The following NEK1 variants were observed in gnomAD, a reference collection of about 807,000 sequenced individuals.
NEK1 encodes serine/threonine-protein kinase Nek1.
NEK1 carries 137 observed loss-of-function variants against 182.1 expected under a neutral mutation model. That is an observed-to-expected ratio of 0.75 (90% CI 0.65 to 0.87). NEK1 has a LOEUF of 0.87. Among genes scored for constraint, NEK1 ranks in the 40% least tolerant of loss-of-function variants. NEK1 has a pLI of 0.00. For missense variants in NEK1, 1,391 were observed against 1,494.4 expected, an observed-to-expected ratio of 0.93 and a Z score of 1.14; for synonymous variants, 513 against 492.2, an observed-to-expected ratio of 1.04 and a Z score of -0.56.
In NEK1 at chr4:169,524,534, TACTC is replaced by T. The variant is rs141517957; in HGVS notation, c.1665+13271_1665+13274del. ...TCTATATACAGTAAAATTTTTATAA[TACTC>T]AAATCAAACAGAACAAGGTACTGAT... On this transcript the variant is annotated intron_variant, in intron 19 of 35. Coordinates refer to ENST00000507142, the MANE Select transcript of NEK1 (RefSeq NM_001199397.3). Among the ~76,000 whole-genome samples the T allele has an allele frequency of 8.0e-3, 1,203 of 150,468 alleles. 20 individuals are homozygous for T. Among genetic ancestry groups the T allele is most frequent in the African/African-American group, 0.027 (1,121 of 40,898 alleles).
At chr4:169,456,806 C>T (rs1742969785) in intron 27 of NEK1, among the ~76,000 whole-genome samples, 1 of 152,102 alleles carries the variant, frequency 6.6e-6, no homozygotes, top group Non-Finnish European at 1.5e-5. Flanking sequence ...TTAGAAGCAA[C>T]CTAAATGTCC....
chr4:169,424,520 G>A (rs373508505), intron 31 of NEK1, 33 bp downstream of exon 31: 119 of 1,533,452 alleles, frequency 7.8e-5, no homozygotes, highest in South Asian at 1.8e-4. Flanking sequence ...GTTATCGAAT[G>A]GATAATATTT....
At chr4:169,579,714 G>A (rs112640948) in intron 11 of NEK1, among the ~76,000 whole-genome samples, 4,648 of 151,568 alleles carry the variant, frequency 0.031, 189 homozygotes, top group African/African-American at 0.085. Flanking sequence ...CCTTGAACCC[G>A]GGAGGCAGAG....
rs398064265 is a variant in NEK1 at position 169,603,706 on chromosome 4, A to ATTTT, written c.-48-1032_-48-1029dup. On this transcript the variant is annotated intron_variant, in intron 2 of 35. Transcript: ENST00000507142. ...AAAAATTCTTCCACATTTATTGAAC[A>ATTTT]TTTTTTTTTTTTTTTTTTTAAGACA... Among the ~76,000 whole-genome samples, 1,124 of 129,680 alleles carry ATTTT rather than the reference A, an allele frequency of 8.7e-3. 24 individuals are homozygous for ATTTT. Among genetic ancestry groups the ATTTT allele is most frequent in the African/African-American group, 0.03 (1,040 of 35,072 alleles). 85.1% of individuals were successfully genotyped at this position (129,680 alleles called of 152,430 possible).
At chr4:169,515,690 C>A (rs1755108538) in intron 19 of NEK1, among the ~76,000 whole-genome samples, 1 of 97,966 alleles carries the variant, frequency 1.0e-5, no homozygotes, top group Non-Finnish European at 2.1e-5. Flanking sequence ...GTGTGATATT[C>A]CCCTTCCTGT....
chr4:169,495,284 C>A (rs1287956664), intron 23 of NEK1, among the ~76,000 whole-genome samples: 1 of 143,746 alleles, frequency 7.0e-6, no homozygotes, highest in Non-Finnish European at 1.5e-5. Context: ...CGCTCTGTCG[C>A]CCAGGCTGGA....
At chr4:169,458,948 G>C (rs1291017354) in intron 27 of NEK1, among the ~76,000 whole-genome samples, 3 of 151,506 alleles carry the variant, frequency 2.0e-5, no homozygotes, top group African/African-American at 7.3e-5. Context: ...TTGGAACATT[G>C]TTATAATGCC....
At chr4:169,478,394 G>T (rs1431124675) in intron 24 of NEK1, 1 of 152,092 alleles carries the variant, frequency 6.6e-6, no homozygotes, top group Admixed American at 6.6e-5. Flanking sequence ...CAACCAGAGA[G>T]ATGAACAGCT....
chr4:169,606,720 A>G (rs1422419053), intron 2 of NEK1, among the ~76,000 whole-genome samples: 2 of 152,260 alleles, frequency 1.3e-5, no homozygotes, highest in Non-Finnish European at 2.9e-5. Flanking sequence ...CTAGGAGATT[A>G]AGTGAAAGTC....
intron 29 of NEK1, among the ~76,000 whole-genome samples, chr4:169,427,113 TA>T (rs1736531383): frequency 6.6e-6 from 1 of 152,184 alleles, no homozygotes; most frequent in African/African-American, 2.4e-5. Flanking sequence ...TTTCAAATTT[TA>T]TTTTATCTTT....
At chr4:169,524,477 A>AG (rs1756586710) in intron 19 of NEK1, among the ~76,000 whole-genome samples, 1 of 151,980 alleles carries the variant, frequency 6.6e-6, no homozygotes, top group African/African-American at 2.4e-5. Context: ...AAAAAAAAAA[A>AG]AAAGAAAAAT....
intron 8 of NEK1, among the ~76,000 whole-genome samples, chr4:169,588,427 A>T (rs1161555287): frequency 6.6e-6 from 1 of 152,184 alleles, no homozygotes; most frequent in Non-Finnish European, 1.5e-5. Context: ...ACTTTCAATT[A>T]TAACATAAAT....
intron 19 of NEK1, among the ~76,000 whole-genome samples, chr4:169,510,876 C>G (rs1754057249): frequency 6.6e-6 from 1 of 152,100 alleles, no homozygotes; most frequent in African/African-American, 2.4e-5. Context: ...AACCAAGTAT[C>G]TCACCCCAGA....
At chr4:169,549,465 A>C (rs1761081569) in intron 18 of NEK1, among the ~76,000 whole-genome samples, 1 of 152,044 alleles carries the variant, frequency 6.6e-6, no homozygotes, top group African/African-American at 2.4e-5. Context: ...TCTTGTCGCC[A>C]AGGCTGGAGT....
chr4:169,476,496 A>C (rs1164648534), intron 26 of NEK1, among the ~76,000 whole-genome samples: 1 of 152,138 alleles, frequency 6.6e-6, no homozygotes, highest in Admixed American at 6.6e-5. Context: ...AGCAAAATAA[A>C]TGCTATCAAG....
chr4:169,409,321 T>C (rs1733225408), intron 31 of NEK1, among the ~76,000 whole-genome samples: 1 of 152,030 alleles, frequency 6.6e-6, no homozygotes. Flanking sequence ...ATTTTTTGTA[T>C]TTTTAGTAGA....
intron 26 of NEK1, among the ~76,000 whole-genome samples, chr4:169,471,511 A>T (rs532470313): frequency 6.6e-6 from 1 of 152,154 alleles, no homozygotes; most frequent in South Asian, 2.1e-4. Context: ...CGTCGCAGAG[A>T]GGCACCCGCC....
Position 169,458,112 on chromosome 4 carries a change from G to A in NEK1, c.2587+5131C>T, listed in dbSNP as rs867983945. On this transcript the variant is annotated intron_variant, in intron 27 of 35. Transcript: ENST00000507142. ...CAGAATAGCCAATACATAATTGAAGGAGAACAAAGTTGGGGGACTGACACT... is the reference window on the plus strand; with the variant it reads ...CAGAATAGCCAATACATAATTGAAGAAGAACAAAGTTGGGGGACTGACACT... Among the ~76,000 whole-genome samples the A allele has an allele frequency of 2.7e-4, 41 of 152,116 alleles. No homozygotes were observed. In the Middle Eastern group the frequency reaches 0.01, roughly 38 times the overall value.
intron 18 of NEK1, among the ~76,000 whole-genome samples, chr4:169,544,599 G>GTTTTTTT (rs139478702): frequency 2.3e-3 from 154 of 66,234 alleles, no homozygotes; most frequent in Non-Finnish European, 3.1e-3. Flanking sequence ...TCTGGTCATG[G>GTTTTTTT]TTTTTTTTTT....
Sources: allele counts gnomAD v4.1 joint callset (sites outside exome capture counted in the v4.1 genomes callset), GRCh38; gene constraint gnomAD v4.1.1; transcripts MANE v1.5; gene names NCBI Gene and HGNC (gene_info 2026-07-23, HGNC 2026-07-21).